ULK4: variants seen among roughly 807,000 people sequenced by gnomAD.
The protein encoded by ULK4 is unc-51 like kinase 4.
A neutral mutation model predicts 160.6 loss-of-function variants in ULK4; 133 were observed. The observed-to-expected ratio is 0.83, with a 90% CI of 0.72 to 0.96. The LOEUF (loss-of-function observed/expected upper bound fraction) is 0.96. Among genes scored for constraint, ULK4 ranks in the 40% least tolerant of loss-of-function variants. The pLI is 0.00. For missense variants in ULK4, 1,580 were observed against 1,499.5 expected, an observed-to-expected ratio of 1.05 and a Z score of -0.89; for synonymous variants, 534 against 539.8, an observed-to-expected ratio of 0.99 and a Z score of 0.15.
chr3:41,828,744 C>T (rs1276460446), intron 18 of ULK4, among the ~76,000 whole-genome samples: 1 of 151,982 alleles, frequency 6.6e-6, no homozygotes, highest in African/African-American at 2.4e-5. Context: ...AGATTCAACG[C>T]CATCCCCATC....
chr3:41,446,330 G>T (rs1237264909), intron 34 of ULK4, among the ~76,000 whole-genome samples: 1 of 152,072 alleles, frequency 6.6e-6, no homozygotes, highest in Non-Finnish European at 1.5e-5. Flanking sequence ...ATTCCTCAGG[G>T]ATCTAGAACT....
At chr3:41,472,001 GCAGAA>G (rs1186794770) in intron 32 of ULK4, among the ~76,000 whole-genome samples, 2 of 146,944 alleles carry the variant, frequency 1.4e-5, no homozygotes, top group East Asian at 4.0e-4. Context: ...AAATATCAGA[GCAGAA>G]AACAATGAAA....
chr3:41,616,773 C>T (rs2032993594), intron 30 of ULK4, among the ~76,000 whole-genome samples: 1 of 152,310 alleles, frequency 6.6e-6, no homozygotes, highest in South Asian at 2.1e-4. Flanking sequence ...CCTGGAACCC[C>T]ATCTAGACAG....
At chr3:41,518,555 ACT>A (rs1397649040) in intron 32 of ULK4, among the ~76,000 whole-genome samples, 2 of 152,208 alleles carry the variant, frequency 1.3e-5, no homozygotes, top group South Asian at 2.1e-4. Context: ...AAGTTTTATT[ACT>A]GTTTTAATCC....
chr3:41,558,760 C>T (rs1017415786), intron 32 of ULK4, among the ~76,000 whole-genome samples: 3 of 151,172 alleles, frequency 2.0e-5, no homozygotes, highest in Admixed American at 6.6e-5. Context: ...CTAAATTCTT[C>T]GGTGGGCGGG....
intron 17 of ULK4, among the ~76,000 whole-genome samples, chr3:41,851,489 T>C (rs897412664): frequency 2.6e-5 from 4 of 152,214 alleles, no homozygotes; most frequent in African/African-American, 9.7e-5. Context: ...CAGTATTTTA[T>C]TGAGGATTTT....
At chr3:41,421,375 T>G (rs1342200345) in intron 34 of ULK4, among the ~76,000 whole-genome samples, 2 of 152,212 alleles carry the variant, frequency 1.3e-5, no homozygotes, top group African/African-American at 4.8e-5. Flanking sequence ...CTCTTGCAAT[T>G]TTAATGAAAA....
At chr3:41,728,504 A>C (rs2037723441) in intron 22 of ULK4, among the ~76,000 whole-genome samples, 1 of 152,250 alleles carries the variant, frequency 6.6e-6, no homozygotes, top group East Asian at 1.9e-4. Context: ...CTCATGAGCC[A>C]AGCACCTGCC....
chr3:41,634,471 T>C (rs948153054), intron 30 of ULK4, among the ~76,000 whole-genome samples: 1 of 152,174 alleles, frequency 6.6e-6, no homozygotes, highest in Non-Finnish European at 1.5e-5. Context: ...CCTCCATCCC[T>C]GGGTCACATG....
chr3:41,339,588 A>C (rs2125748943), intron 35 of ULK4, among the ~76,000 whole-genome samples: 1 of 152,196 alleles, frequency 6.6e-6, no homozygotes, highest in Admixed American at 6.5e-5. Flanking sequence ...CTCATCTCAA[A>C]GTCTGCTTGT....
At chr3:41,348,706 G>A (rs2080853643) in intron 35 of ULK4, among the ~76,000 whole-genome samples, 1 of 152,196 alleles carries the variant, frequency 6.6e-6, no homozygotes, top group Non-Finnish European at 1.5e-5. Context: ...AAAATCAAAA[G>A]AGGTTAACAG....
At chr3:41,800,081 T>A in intron 20 of ULK4, 51 bp downstream of exon 20, 1 of 1,436,962 alleles carries the variant, frequency 7.0e-7, no homozygotes, top group Non-Finnish European at 9.2e-7. Flanking sequence ...TTCTTCAAAC[T>A]TGCTGTTTAA....
At chr3:41,648,176 C>G (rs2034593361) in intron 30 of ULK4, among the ~76,000 whole-genome samples, 1 of 152,208 alleles carries the variant, frequency 6.6e-6, no homozygotes, top group African/African-American at 2.4e-5. Flanking sequence ...TGCCCTGCTT[C>G]AGCTCCCACA....
chr3:41,773,425 C>T (rs868665520), intron 21 of ULK4, among the ~76,000 whole-genome samples: 22 of 152,174 alleles, frequency 1.4e-4, no homozygotes, highest in Middle Eastern at 3.4e-3. Context: ...TATACACCAA[C>T]AACAGACAAA....
chr3:41,691,776 G>C (rs1468927554), intron 27 of ULK4, among the ~76,000 whole-genome samples: 2 of 151,702 alleles, frequency 1.3e-5, no homozygotes, highest in Non-Finnish European at 2.9e-5. Flanking sequence ...GATGTTTGGA[G>C]AGTGCAGTCT....
At chr3:41,708,389 C>T (rs2036979059) in intron 25 of ULK4, among the ~76,000 whole-genome samples, 1 of 151,908 alleles carries the variant, frequency 6.6e-6, no homozygotes, top group South Asian at 2.1e-4. Context: ...CATGGATAAA[C>T]CTAGAGAACA....
At chr3:41,469,111 A>T (rs2083905482) in intron 32 of ULK4, among the ~76,000 whole-genome samples, 1 of 152,156 alleles carries the variant, frequency 6.6e-6, no homozygotes, top group Non-Finnish European at 1.5e-5. Context: ...CCAAAGCCTC[A>T]CATCCAGGGA....
chr3:41,573,816 A>G (rs2088087139), intron 31 of ULK4, among the ~76,000 whole-genome samples: 1 of 152,186 alleles, frequency 6.6e-6, no homozygotes, highest in Admixed American at 6.5e-5. Context: ...GCATCCAGTC[A>G]CTTTCTGTCA....
chr3:41,911,701 G>A, intron 9 of ULK4, 42 bp from the exon 10 acceptor site: 2 of 1,419,450 alleles, frequency 1.4e-6, no homozygotes, highest in Non-Finnish European at 2.0e-6. Flanking sequence ...TTACTTTGGA[G>A]TTCTCTATAG....
Sources: allele counts gnomAD v4.1 joint callset (sites outside exome capture counted in the v4.1 genomes callset), GRCh38; gene constraint gnomAD v4.1.1; transcripts MANE v1.5; gene names NCBI Gene and HGNC (gene_info 2026-07-23, HGNC 2026-07-21).